The following GIPC1 variants were observed in gnomAD, a reference collection of about 807,000 sequenced individuals.
The protein encoded by GIPC1 is GIPC PDZ domain containing family member 1.
Under a neutral mutation model 28.5 loss-of-function variants are expected in GIPC1, and 15 were observed. The ratio of observed to expected loss-of-function variants is 0.53; its 90% CI spans 0.35 to 0.81. The LOEUF (loss-of-function observed/expected upper bound fraction) is 0.81. GIPC1 is among the 30% of genes least tolerant of loss of function. The pLI is 0.01. For synonymous variants in GIPC1, 224 were observed against 206.1 expected (o/e 1.09, Z -0.74); for missense variants, 439 against 481.9 (o/e 0.91, Z 0.83).
intron 3 of GIPC1, among the ~76,000 whole-genome samples, chr19:14,488,149 G>A (rs2071886651): frequency 6.6e-6 from 1 of 152,136 alleles, no homozygotes; most frequent in Non-Finnish European, 1.5e-5. Flanking sequence ...AGAACAGCCA[G>A]TAGAAAGGCC....
rs1320796550 is a variant in GIPC1 at position 14,496,117 on chromosome 19, A to AACTCCAGACCGGGCC, written c.-256_-255insGGCCCGGTCTGGAGT. ...TGCGCACCCGGCTCGGCCCTCCGCA[A>AACTCCAGACCGGGCC]ACTCCAGACCGGGCCTCTCCCGCAG... On this transcript the variant is annotated 5_prime_UTR_variant, in exon 1 of 9. Coordinates refer to ENST00000393033, the MANE Select transcript of GIPC1 (RefSeq NM_005716.4). 2.0e-5 allele frequency: 4 copies of AACTCCAGACCGGGCC among 205,042 alleles called. No homozygotes were observed. The East Asian group carries it at 5.4e-4, about 28-fold the overall frequency. 12.7% of individuals were successfully genotyped at this position (205,042 alleles called of 1,614,324 possible). A position where few individuals can be genotyped will look rare whatever the true frequency, so the allele number is the denominator to read the frequency against.
At chr19:14,488,374 G>A (rs1224509716) in intron 3 of GIPC1, among the ~76,000 whole-genome samples, 1 of 151,928 alleles carries the variant, frequency 6.6e-6, no homozygotes, top group Non-Finnish European at 1.5e-5. Context: ...TCACTTGAAT[G>A]CAGGAGGCGG....
intron 3 of GIPC1, among the ~76,000 whole-genome samples, chr19:14,490,906 C>T (rs1444945468): frequency 1.4e-5 from 2 of 144,830 alleles, no homozygotes; most frequent in Non-Finnish European, 3.0e-5. Context: ...ACTCGGGAGG[C>T]GGAGCTTGCA....
chr19:14,492,560 C>G (rs1398547758), intron 2 of GIPC1, among the ~76,000 whole-genome samples: 1 of 152,176 alleles, frequency 6.6e-6, no homozygotes, highest in South Asian at 2.1e-4. Context: ...CCTGCCTCGG[C>G]CTCCCAAAGT....
In GIPC1 at chr19:14,496,076, T is replaced by TCCGCCGCCGCCGCC. The variant is rs1568371792; in HGVS notation, c.-215_-214insGGCGGCGGCGGCGG. On this transcript the variant is annotated 5_prime_UTR_variant, in exon 1 of 9. Coordinates refer to ENST00000393033, the MANE Select transcript of GIPC1 (RefSeq NM_005716.4). The stretch of plus-strand genomic sequence containing the variant: ...CCGCCGCCGCCGCCGCCGCCGCCGC[T>TCCGCCGCCGCCGCC]GCCTCCGCCTCCCCGTGCGCACCCG... 3 of 203,588 alleles carry TCCGCCGCCGCCGCC rather than the reference T, an allele frequency of 1.5e-5. No homozygotes were observed. Among genetic ancestry groups the TCCGCCGCCGCCGCC allele is most frequent in the African/African-American group, 9.0e-5 (3 of 33,426 alleles). The allele number at this position is 203,588 out of a possible 1,614,324, so 12.6% of individuals were successfully genotyped here. A position where few individuals can be genotyped will look rare whatever the true frequency, so the allele number is the denominator to read the frequency against.
intron 3 of GIPC1, among the ~76,000 whole-genome samples, chr19:14,486,700 C>T (rs1003101151): frequency 4.8e-4 from 63 of 130,452 alleles, no homozygotes; most frequent in African/African-American, 1.7e-3. Context: ...TTCTTTCTTG[C>T]TTTCTTTCTT....
At position 14,480,618 on chromosome 19, in the gene GIPC1, T is replaced by C. The variant is rs1463957428; in HGVS notation, c.449A>G (p.Asn150Ser). 3.7e-6 allele frequency: 6 copies of C among 1,614,028 alleles called. No homozygotes were observed. The highest frequency in any genetic ancestry group is 5.1e-6 in the Non-Finnish European group (6 of 1,180,008). ...CTTGATGAAGGCGTAGCCAGCCCCG[T>C]TGTCCGTGATGGTGAGCCCGAGTGC... is the stretch of plus-strand genomic sequence containing the variant. ...EDALGLTITDNGAGYAFIKRI... is the reference protein window; with the variant it reads ...EDALGLTITDSGAGYAFIKRI... The change falls in exon 5 of 9, where the codon AAC becomes AGC. Residue 150 changes from asparagine to serine, a missense_variant. By Grantham distance (46) the Asn-to-Ser change is conservative. Transcript: ENST00000393033.
intron 3 of GIPC1, among the ~76,000 whole-genome samples, chr19:14,490,763 G>C (rs1197851457): frequency 6.6e-6 from 1 of 151,420 alleles, no homozygotes; most frequent in Non-Finnish European, 1.5e-5. Flanking sequence ...CACGAGGTCA[G>C]GAGATCGAGA....
chr19:14,490,744 C>A (rs1487669521), intron 3 of GIPC1, among the ~76,000 whole-genome samples: 2 of 151,796 alleles, frequency 1.3e-5, no homozygotes, highest in Admixed American at 6.6e-5. Flanking sequence ...GAGTCCAAGG[C>A]GGGTGGATCA....
intron 2 of GIPC1, among the ~76,000 whole-genome samples, chr19:14,491,985 A>G (rs1189378158): frequency 6.6e-6 from 1 of 151,872 alleles, no homozygotes; most frequent in African/African-American, 2.4e-5. Context: ...GGAGAATGGC[A>G]TGAACCCGGG....
Position 14,482,330 on chromosome 19 carries a change from C to G in GIPC1, c.288+359G>C, listed in dbSNP as rs1022321745. The G allele has an allele frequency of 2.0e-5, 7 of 347,414 alleles. No homozygotes were observed. In the South Asian group the frequency reaches 2.1e-4, roughly 10 times the overall value. 21.5% of individuals were successfully genotyped at this position (347,414 alleles called of 1,614,324 possible). ...TCAGTGCCTGTTGGGAACTCAGCAT[C>G]CACCCCTAGTCTTGCACAATCTACT... On this transcript the variant is annotated intron_variant, in intron 4 of 8. Transcript: ENST00000393033.
rs1318397387 is a variant in GIPC1, at chr19:14,480,409, T to C, written c.551A>G (p.Gln184Arg). ...VGDMIEAING[Q>R]SLLGCRHYEV... ...GTAGTGCCGGCAGCCCAGCAGGCTC[T>C]GCCCGTTAATGGCCTCGATCATGTC... The change falls in exon 6 of 9, where the codon CAG becomes CGG. Residue 184 changes from glutamine (Q) to arginine (R), a missense_variant. Coordinates refer to ENST00000393033, the MANE Select transcript of GIPC1 (RefSeq NM_005716.4). 1.2e-6 allele frequency: 2 copies of C among 1,613,548 alleles called. No individual in the cohort carries two copies. Among genetic ancestry groups the C allele is most frequent in the Non-Finnish European group, 1.7e-6 (2 of 1,179,906 alleles).
intron 6 of GIPC1, chr19:14,480,093 G>C: frequency 5.0e-6 from 3 of 597,560 alleles, no homozygotes; most frequent in South Asian, 4.0e-5. Flanking sequence ...AGGTGTGAGG[G>C]CAACTTCCTC....
Position 14,478,824 on chromosome 19 carries a change from G to A in GIPC1, c.769-59C>T. The A allele has an allele frequency of 3.2e-6, 4 of 1,236,184 alleles. No individual in the cohort carries two copies. Among genetic ancestry groups the A allele is most frequent in the Non-Finnish European group, 3.6e-6 (3 of 836,150 alleles). 76.6% of individuals were successfully genotyped at this position (1,236,184 alleles called of 1,614,324 possible). ...AACAATGTGAATATACATAGTAATTGGACGGACTGCCATTGTCACCACTTT... is the reference window on the plus strand; with the variant it reads ...AACAATGTGAATATACATAGTAATTAGACGGACTGCCATTGTCACCACTTT... On this transcript the variant is annotated intron_variant, in intron 7 of 8. Coordinates refer to ENST00000393033, the MANE Select transcript of GIPC1 (RefSeq NM_005716.4). This position sits in a 1 kb window ranked among gnomAD's most constrained non-coding sequence, Gnocchi z 5.2.
intron 3 of GIPC1, among the ~76,000 whole-genome samples, chr19:14,487,304 C>T (rs34657056): frequency 0.056 from 8,407 of 150,432 alleles, 310 homozygotes; most frequent in Admixed American, 0.1. Context: ...GCAATCTTGG[C>T]TCACTGCAAG....
intron 1 of GIPC1, among the ~76,000 whole-genome samples, chr19:14,494,914 A>G (rs190978836): frequency 5.3e-4 from 81 of 152,248 alleles, no homozygotes; most frequent in Middle Eastern, 3.4e-3. Context: ...CCACGGCCAC[A>G]CAGAAGCAGT....
rs1390189672 is a variant in GIPC1 at position 14,489,677 on chromosome 19, G to C, written c.-31+1979C>G. 6 of 800,480 alleles carry C rather than the reference G, an allele frequency of 7.5e-6. No homozygotes were observed. In the African/African-American group the frequency reaches 1.0e-4, roughly 14 times the overall value. 49.6% of individuals were successfully genotyped at this position (800,480 alleles called of 1,614,324 possible). The stretch of plus-strand genomic sequence containing the variant: ...CTCTCCATAGGGCCTGTTTTACTAT[G>C]ATGTAAAAATTAGGTCATGTACATT... On this transcript the variant is annotated intron_variant, in intron 3 of 8. Transcript: ENST00000393033.
chr19:14,482,571 G>A, intron 4 of GIPC1, 118 bp downstream of exon 4: 2 of 1,026,560 alleles, frequency 1.9e-6, no homozygotes, highest in South Asian at 2.9e-5. Flanking sequence ...ACCACTGAGT[G>A]GGGCCCAGGC....
At position 14,478,872 on chromosome 19, in the gene GIPC1, C is replaced by T. The variant is rs2071662400; in HGVS notation, c.769-107G>A. ...TTTACATATATTCGTATTTAGACCT[C>T]AGGACAACCCTGAGAAGGTGGTATC... On this transcript the variant is annotated intron_variant, in intron 7 of 8. Transcript: ENST00000393033. The surrounding 1 kb of genome is among the most constrained non-coding windows in gnomAD (Gnocchi z 5.2). 1 of 853,498 alleles carries T rather than the reference C, an allele frequency of 1.2e-6. No homozygotes were observed. Among genetic ancestry groups the T allele is most frequent in the Non-Finnish European group, 2.0e-6 (1 of 502,100 alleles). 52.9% of individuals were successfully genotyped at this position (853,498 alleles called of 1,614,324 possible). A position where few individuals can be genotyped will look rare whatever the true frequency, so the allele number is the denominator to read the frequency against.
Sources: gnomAD v4.1 joint callset for allele counts (sites outside exome capture counted in the v4.1 genomes callset) on GRCh38, gnomAD v4.1.1 for gene constraint, Gnocchi (gnomAD v3.1) non-coding constraint, MANE v1.5 for transcripts, NCBI Gene and HGNC (gene_info 2026-07-23, HGNC 2026-07-21) for gene names.